PCDH9: variants seen among roughly 807,000 people sequenced by gnomAD.
PCDH9 encodes protocadherin 9.
In PCDH9, 24 loss-of-function variants were observed where a neutral mutation model predicts 70.6. The ratio of observed to expected loss-of-function variants is 0.34; its 90% CI spans 0.25 to 0.48. The LOEUF is 0.48. PCDH9 is among the 20% of genes least tolerant of loss of function. The pLI, the probability that PCDH9 is intolerant of heterozygous loss-of-function variation, is 0.99. For missense variants in PCDH9, 1,281 were observed against 1,503.6 expected (o/e 0.85, Z 2.45); for synonymous variants, 562 against 558.5 (o/e 1.01, Z -0.09).
intron 3 of PCDH9, among the ~76,000 whole-genome samples, chr13:66,667,997 T>C (rs1347890300): frequency 1.3e-5 from 2 of 152,172 alleles, no homozygotes; most frequent in Non-Finnish European, 2.9e-5. Flanking sequence ...TCTTTGCACA[T>C]CTAATTTTAC....
At chr13:66,982,511 G>T (rs535871384) in intron 2 of PCDH9, among the ~76,000 whole-genome samples, 2 of 152,182 alleles carry the variant, frequency 1.3e-5, no homozygotes, top group African/African-American at 4.8e-5. Context: ...ATAAAGGTAG[G>T]ACTAAAAATA....
At chr13:67,128,705 G>C (rs1445531893) in intron 2 of PCDH9, among the ~76,000 whole-genome samples, 1 of 152,088 alleles carries the variant, frequency 6.6e-6, no homozygotes, top group African/African-American at 2.4e-5. Context: ...TACCACTGAG[G>C]CTTTTGTGGA....
intron 3 of PCDH9, among the ~76,000 whole-genome samples, chr13:66,661,526 G>C (rs2078008637): frequency 6.6e-6 from 1 of 152,076 alleles, no homozygotes; most frequent in African/African-American, 2.4e-5. Flanking sequence ...GTCCCCTGAG[G>C]TATGCCCTTG....
At chr13:66,978,827 T>C (rs2083676976) in intron 2 of PCDH9, among the ~76,000 whole-genome samples, 2 of 150,586 alleles carry the variant, frequency 1.3e-5, no homozygotes, top group African/African-American at 4.9e-5. Flanking sequence ...TGTGTATATA[T>C]ATGAATATGA....
chr13:66,963,218 C>T (rs982249550), intron 2 of PCDH9, among the ~76,000 whole-genome samples: 2 of 152,156 alleles, frequency 1.3e-5, no homozygotes, highest in Non-Finnish European at 2.9e-5. Context: ...ACCTGTTGTG[C>T]GGCCCTGGGC....
intron 2 of PCDH9, among the ~76,000 whole-genome samples, chr13:67,189,511 T>C (rs1048766151): frequency 2.0e-5 from 3 of 152,228 alleles, no homozygotes; most frequent in African/African-American, 7.2e-5. Flanking sequence ...ATGTGGTTAG[T>C]GACTACTTCT....
chr13:66,802,251 G>A lies in PCDH9; in HGVS notation c.3138+101253C>T, dbSNP rs545887018. The stretch of plus-strand genomic sequence containing the variant: ...GATTTGAACATGAAAATATCACAGA[G>A]ACAAAACTTCTCAAAATAATGAATT... On this transcript the variant is annotated intron_variant, in intron 3 of 4. Coordinates refer to ENST00000377865, the MANE Select transcript of PCDH9 (RefSeq NM_203487.3). 2.9e-4 allele frequency among the ~76,000 whole-genome samples: 44 copies of A among 151,902 alleles called. No homozygotes were observed. The East Asian group carries it at 8.3e-3, about 29-fold the overall frequency.
chr13:66,473,117 G>A (rs1037706887), intron 4 of PCDH9, among the ~76,000 whole-genome samples: 5 of 151,992 alleles, frequency 3.3e-5, no homozygotes, highest in Admixed American at 6.5e-5. Flanking sequence ...AACACTGGCA[G>A]TGGCAGTTTA....
At chr13:66,873,124 C>T (rs1456581052) in intron 3 of PCDH9, among the ~76,000 whole-genome samples, 2 of 151,924 alleles carry the variant, frequency 1.3e-5, no homozygotes, top group Admixed American at 1.3e-4. Flanking sequence ...ATTACCTTGG[C>T]AAGTTAAGCA....
chr13:66,521,542 G>A (rs752599116), intron 4 of PCDH9, among the ~76,000 whole-genome samples: 8 of 152,140 alleles, frequency 5.3e-5, no homozygotes, highest in Non-Finnish European at 1.2e-4. Context: ...TTCAGTAGGA[G>A]CACAGATACT....
At chr13:66,963,096 T>C (rs1452909763) in intron 2 of PCDH9, among the ~76,000 whole-genome samples, 1 of 152,102 alleles carries the variant, frequency 6.6e-6, no homozygotes, top group Non-Finnish European at 1.5e-5. Flanking sequence ...TTTGTGCTCC[T>C]ATGAGAATCT....
At chr13:66,738,130 C>T (rs1003465948) in intron 3 of PCDH9, among the ~76,000 whole-genome samples, 23 of 152,284 alleles carry the variant, frequency 1.5e-4, no homozygotes, top group East Asian at 9.7e-4. Context: ...TCTCCCAGCA[C>T]GCAGCTGGAG....
intron 4 of PCDH9, among the ~76,000 whole-genome samples, chr13:66,360,942 A>T (rs1956461201): frequency 1.3e-5 from 2 of 152,088 alleles, no homozygotes; most frequent in Admixed American, 1.3e-4. Context: ...CAGCTGAGCT[A>T]ATTTTTTTAT....
chr13:66,944,427 A>T (rs1332030311), intron 2 of PCDH9, among the ~76,000 whole-genome samples: 1 of 152,136 alleles, frequency 6.6e-6, no homozygotes, highest in Admixed American at 6.6e-5. Flanking sequence ...TTTGTATTGA[A>T]TTATTATTTG....
chr13:66,644,445 TA>T (rs1566477687), intron 3 of PCDH9, among the ~76,000 whole-genome samples: 1 of 151,834 alleles, frequency 6.6e-6, no homozygotes, highest in Admixed American at 6.6e-5. Context: ...AAAATAGTCT[TA>T]AAAAAAGATT....
intron 3 of PCDH9, among the ~76,000 whole-genome samples, chr13:66,729,593 T>C (rs4884692): frequency 0.33 from 49,656 of 151,880 alleles, 8,569 homozygotes; most frequent in East Asian, 0.5. Flanking sequence ...CTGTCTACCC[T>C]CATCCCCAAC....
At chr13:66,938,692 T>A (rs1282355136) in intron 2 of PCDH9, among the ~76,000 whole-genome samples, 2 of 152,198 alleles carry the variant, frequency 1.3e-5, no homozygotes, top group East Asian at 3.8e-4. Flanking sequence ...CCTCCACTCT[T>A]TCATCTTAAG....
At chr13:66,883,756 G>A (rs1038522608) in intron 3 of PCDH9, among the ~76,000 whole-genome samples, 1 of 152,060 alleles carries the variant, frequency 6.6e-6, no homozygotes, top group Admixed American at 6.6e-5. Flanking sequence ...CTTGTTTGTC[G>A]CTGCTGCTTT....
chr13:66,714,115 T>C (rs944856432), intron 3 of PCDH9, among the ~76,000 whole-genome samples: 1 of 152,162 alleles, frequency 6.6e-6, no homozygotes, highest in Non-Finnish European at 1.5e-5. Context: ...TGTAACTTTA[T>C]ATTAGGTTAT....
Sources: allele counts gnomAD v4.1 joint callset (sites outside exome capture counted in the v4.1 genomes callset), GRCh38; gene constraint gnomAD v4.1.1; transcripts MANE v1.5; gene names NCBI Gene and HGNC (gene_info 2026-07-23, HGNC 2026-07-21).